The following PI4KA variants were observed in gnomAD, a reference collection of about 807,000 sequenced individuals.
PI4KA encodes PI4-kinase alpha.
PI4KA carries 122 observed loss-of-function variants against 271.4 expected under a neutral mutation model. The ratio of observed to expected loss-of-function variants is 0.45; its 90% CI spans 0.39 to 0.52. The LOEUF is 0.52. PI4KA is among the 20% of genes least tolerant of loss of function. The pLI is 0.00. For missense variants in PI4KA, 1,969 were observed against 2,769.1 expected (o/e 0.71, Z 6.48); for synonymous variants, 1,041 against 1,078.8 (o/e 0.96, Z 0.69).
Position 20,788,776 on chromosome 22 carries a change from CTCT to C in PI4KA, c.2328+4414_2328+4416del, listed in dbSNP as rs1376501697. 2.6e-5 allele frequency among the ~76,000 whole-genome samples: 4 copies of C among 152,232 alleles called. No individual in the cohort carries two copies. The South Asian group carries it at 6.2e-4, about 24-fold the overall frequency. The stretch of plus-strand genomic sequence containing the variant: ...TGTCATTCTCCAAACTGCTTCACCA[CTCT>C]TCTTTTCTGTCATTCTCCAACCTGC... On this transcript the variant is annotated intron_variant, in intron 19 of 54. Coordinates refer to ENST00000255882, the MANE Select transcript of PI4KA (RefSeq NM_058004.4).
In PI4KA at chr22:20,712,807, C is replaced by T. The variant is rs1030763175; in HGVS notation, c.5572-10G>A. ...GCAGGGCCAGCATGTCCTGGGAAGC[C>T]GGGAGGCGCAGGATGCGGTCAGTTG... On this transcript the variant is annotated splice_polypyrimidine_tract_variant and intron_variant, in intron 48 of 54. Transcript: ENST00000255882. 1.9e-6 allele frequency: 3 copies of T among 1,550,426 alleles called. No individual in the cohort carries two copies. The highest frequency in any genetic ancestry group is 2.4e-5 in the East Asian group (1 of 41,076).
intron 7 of PI4KA, among the ~76,000 whole-genome samples, chr22:20,814,258 T>A (rs545443584): frequency 2.0e-5 from 3 of 152,266 alleles, no homozygotes; most frequent in Admixed American, 6.5e-5. Context: ...AGACAAATAC[T>A]GTACGATCCC....
chr22:20,739,623 CTGACCCAAGA>C (rs5844435), intron 32 of PI4KA, among the ~76,000 whole-genome samples: 47,856 of 151,650 alleles, frequency 0.32, 7,717 homozygotes, highest in East Asian at 0.44. Context: ...TAAAAAGAAA[CTGACCCAAGA>C]TGACTCAAAT....
At chr22:20,776,188 T>C (rs1257391675) in intron 19 of PI4KA, among the ~76,000 whole-genome samples, 1 of 152,112 alleles carries the variant, frequency 6.6e-6, no homozygotes, top group Admixed American at 6.5e-5. Flanking sequence ...CTGGGTTTGG[T>C]GGCACACACC....
chr22:20,858,747 GCCCGCCGGCTC>G lies in PI4KA; in HGVS notation c.-33_-23del. ...CCATCACCTCACGAGCCGCGGCGCT[GCCCGCCGGCTC>G]CCCGCTCCTGGCCCGCGAGCGCCCG... is the stretch of plus-strand genomic sequence containing the variant. On this transcript the variant is annotated 5_prime_UTR_variant, in exon 1 of 55. The change creates a premature stop within an existing upstream ORF in the 5' untranslated region. Coordinates refer to ENST00000255882, the MANE Select transcript of PI4KA (RefSeq NM_058004.4). 1 of 1,369,044 alleles carries G rather than the reference GCCCGCCGGCTC, an allele frequency of 7.3e-7. No homozygotes were observed. The highest frequency in any genetic ancestry group is 9.4e-7 in the Non-Finnish European group (1 of 1,059,584). The allele number at this position is 1,369,044 out of a possible 1,614,324, so 84.8% of individuals were successfully genotyped here.
chr22:20,824,828 T>C (rs1284840427), intron 3 of PI4KA, among the ~76,000 whole-genome samples: 7 of 150,922 alleles, frequency 4.6e-5, no homozygotes, highest in African/African-American at 1.5e-4. Context: ...CCCAGCACTT[T>C]TGGGGGGCCA....
At chr22:20,764,474 TGA>T (rs1429499078) in intron 22 of PI4KA, 1 of 195,738 alleles carries the variant, frequency 5.1e-6, no homozygotes, top group Non-Finnish European at 1.0e-5. Context: ...AACAGCTCAG[TGA>T]GTGTCCTAGA....
intron 1 of PI4KA, among the ~76,000 whole-genome samples, chr22:20,852,061 T>C (rs1192720257): frequency 6.6e-6 from 1 of 152,082 alleles, no homozygotes; most frequent in African/African-American, 2.4e-5. Context: ...GAGGCAGAGC[T>C]TGCAGTGAGC....
chr22:20,741,969 C>T lies in PI4KA; in HGVS notation c.3741+259G>A, dbSNP rs534832106. Reference sequence around the variant, plus strand: ...ACAGGTGTTCAAAAAGCTGGATTTCCAATTTCAGTAGAGAAATGGCTCCCC... The same window carrying T: ...ACAGGTGTTCAAAAAGCTGGATTTCTAATTTCAGTAGAGAAATGGCTCCCC... On this transcript the variant is annotated intron_variant, in intron 32 of 54. Coordinates refer to ENST00000255882, the MANE Select transcript of PI4KA (RefSeq NM_058004.4). Among the ~76,000 whole-genome samples the T allele has an allele frequency of 2.2e-4, 33 of 152,314 alleles. 1 individual carries two copies. The highest frequency in any genetic ancestry group is 6.7e-4 in the African/African-American group (28 of 41,572).
intron 35 of PI4KA, 127 bp from the exon 36 acceptor site, chr22:20,733,225 C>T (rs1928281109): frequency 9.8e-7 from 1 of 1,022,726 alleles, no homozygotes; most frequent in Admixed American, 1.8e-5. Context: ...CAAAGCCAGT[C>T]ATTAGCAAGG....
chr22:20,793,198 C>A lies in PI4KA; in HGVS notation c.2323G>T (p.Ala775Ser). Residue 775 changes from alanine (A) to serine (S), a missense_variant, in exon 19 of 55, where the codon GCT becomes TCT. Transcript: ENST00000255882. ...TTCAATTAATGAATACTCACCACAG[C>A]TATTACAGGAATGAGTACTCCCAAG... ...GNLGVLIPVIAVLTRRLPPIK... is the reference protein window; with the variant it reads ...GNLGVLIPVISVLTRRLPPIK... 3 of 1,546,256 alleles carry A rather than the reference C, an allele frequency of 1.9e-6. No individual in the cohort carries two copies. The highest frequency in any genetic ancestry group is 2.7e-6 in the Non-Finnish European group (3 of 1,118,370).
chr22:20,858,569 C>T lies in PI4KA; in HGVS notation c.156+1G>A. On this transcript the variant is annotated splice_donor_variant, in intron 1 of 54. Transcript: ENST00000255882. LOFTEE classifies it high-confidence loss of function. ...CCCGCGGCCCAGCCCGCCGACGTTACCTTCTCCAAGGATGCTGGTCTCTGC... is the reference window on the plus strand; with the variant it reads ...CCCGCGGCCCAGCCCGCCGACGTTATCTTCTCCAAGGATGCTGGTCTCTGC... 7.2e-7 allele frequency: 1 copy of T among 1,389,928 alleles called. No individual in the cohort carries two copies. The highest frequency in any genetic ancestry group is 9.4e-7 in the Non-Finnish European group (1 of 1,067,522). 86.1% of individuals were successfully genotyped at this position (1,389,928 alleles called of 1,614,324 possible).
At chr22:20,793,839 T>TA (rs1182601102) in intron 18 of PI4KA, among the ~76,000 whole-genome samples, 4 of 152,262 alleles carry the variant, frequency 2.6e-5, no homozygotes, top group Admixed American at 2.6e-4. Flanking sequence ...CAAATGTAGC[T>TA]AATCTTCAGT....
At chr22:20,823,786 A>G (rs1384983188) in intron 4 of PI4KA, among the ~76,000 whole-genome samples, 1 of 152,088 alleles carries the variant, frequency 6.6e-6, no homozygotes, top group African/African-American at 2.4e-5. Context: ...AAAAAATACA[A>G]AACAAATTAG....
chr22:20,764,810 C>G lies in PI4KA; in HGVS notation c.2708+7G>C. The G allele has an allele frequency of 5.6e-6, 9 of 1,608,014 alleles. No homozygotes were observed. Among genetic ancestry groups the G allele is most frequent in the Non-Finnish European group, 7.6e-6 (9 of 1,176,492 alleles). On this transcript the variant is annotated splice_region_variant and intron_variant, in intron 22 of 54. Coordinates refer to ENST00000255882, the MANE Select transcript of PI4KA (RefSeq NM_058004.4). The stretch of plus-strand genomic sequence containing the variant: ...GTGCATGTGCATGGTGGTGAAGGCA[C>G]GTGTACCTCATGTACTCCAGCCGGT...
At chr22:20,820,787 A>G (rs886918393) in intron 4 of PI4KA, among the ~76,000 whole-genome samples, 176 bp from the exon 5 acceptor site, 1 of 152,034 alleles carries the variant, frequency 6.6e-6, no homozygotes, top group Non-Finnish European at 1.5e-5. Flanking sequence ...CAGGGACAAA[A>G]CCCTCACTCT....
intron 29 of PI4KA, among the ~76,000 whole-genome samples, chr22:20,746,885 C>A (rs904078813): frequency 1.3e-5 from 2 of 152,222 alleles, no homozygotes; most frequent in African/African-American, 4.8e-5. Flanking sequence ...TCTCTCCCGC[C>A]GGTATCCCAA....
intron 12 of PI4KA, among the ~76,000 whole-genome samples, chr22:20,803,855 G>A (rs1263868931): frequency 6.6e-5 from 10 of 152,160 alleles, no homozygotes; most frequent in Non-Finnish European, 1.5e-4. Context: ...CATCTCTTTT[G>A]GAAGCATACT....
chr22:20,835,445 G>A (rs1924729442), intron 2 of PI4KA, among the ~76,000 whole-genome samples: 1 of 152,208 alleles, frequency 6.6e-6, no homozygotes, highest in Non-Finnish European at 1.5e-5. Context: ...GCTGCAGCCA[G>A]GCATAGTGGC....
Sources: gnomAD v4.1 joint callset for allele counts (sites outside exome capture counted in the v4.1 genomes callset) on GRCh38, gnomAD v4.1.1 for gene constraint, MANE v1.5 for transcripts, NCBI Gene and HGNC (gene_info 2026-07-23, HGNC 2026-07-21) for gene names.